The following GALNTL6 variants were observed in gnomAD, a reference collection of about 807,000 sequenced individuals.
The protein encoded by GALNTL6 is polypeptide N-acetylgalactosaminyltransferase-like 6.
GALNTL6 carries 46 observed loss-of-function variants against 73.7 expected under a neutral mutation model. That is an observed-to-expected ratio of 0.62 (90% CI 0.49 to 0.80). The LOEUF (loss-of-function observed/expected upper bound fraction) is 0.80. GALNTL6 is among the 30% of genes least tolerant of loss of function. GALNTL6 has a pLI of 0.00. For missense variants in GALNTL6, 604 were observed against 755.0 expected (o/e 0.80, Z 2.34); for synonymous variants, 259 against 263.7 (o/e 0.98, Z 0.17).
At chr4:172,015,511 A>G (rs1210927487) in intron 2 of GALNTL6, among the ~76,000 whole-genome samples, 1 of 152,104 alleles carries the variant, frequency 6.6e-6, no homozygotes, top group African/African-American at 2.4e-5. Context: ...GCCATTCTGT[A>G]TATTTTAAGT....
At chr4:173,029,209 T>C (rs913227304) in intron 12 of GALNTL6, among the ~76,000 whole-genome samples, 4 of 152,252 alleles carry the variant, frequency 2.6e-5, no homozygotes, top group Admixed American at 6.5e-5. Flanking sequence ...TAAAAAATCC[T>C]GGACATGTGG....
intron 5 of GALNTL6, among the ~76,000 whole-genome samples, chr4:172,665,580 A>G (rs2111190798): frequency 6.6e-6 from 1 of 152,292 alleles, no homozygotes; most frequent in Middle Eastern, 3.4e-3. Context: ...GATGGTAAAA[A>G]TATTTTCACT....
intron 8 of GALNTL6, among the ~76,000 whole-genome samples, chr4:172,900,124 T>C (rs979227101): frequency 1.3e-5 from 2 of 152,194 alleles, no homozygotes; most frequent in Non-Finnish European, 2.9e-5. Flanking sequence ...GGAGTTGTTC[T>C]GGTTAAAACG....
chr4:172,087,763 A>G (rs968290440), intron 2 of GALNTL6, among the ~76,000 whole-genome samples: 1 of 65,764 alleles, frequency 1.5e-5, no homozygotes, highest in African/African-American at 4.2e-5. Context: ...CAAATAGCAG[A>G]AAAAAAAAAA....
chr4:172,083,782 A>G (rs1731950367), intron 2 of GALNTL6, among the ~76,000 whole-genome samples: 1 of 152,148 alleles, frequency 6.6e-6, no homozygotes, highest in African/African-American at 2.4e-5. Flanking sequence ...ATTACAGCAT[A>G]AGCTACATTA....
chr4:172,456,455 A>C (rs562102613), intron 5 of GALNTL6, among the ~76,000 whole-genome samples: 3 of 152,128 alleles, frequency 2.0e-5, no homozygotes, highest in African/African-American at 7.2e-5. Context: ...AAACCTTGAA[A>C]AAAAGTTACA....
chr4:172,372,644 T>A (rs1161336849), intron 5 of GALNTL6, among the ~76,000 whole-genome samples: 1 of 152,196 alleles, frequency 6.6e-6, no homozygotes, highest in East Asian at 1.9e-4. Context: ...AGAAAAGTTT[T>A]GTCCTGTCAG....
chr4:172,638,991 C>T (rs551522990), intron 5 of GALNTL6, among the ~76,000 whole-genome samples: 36 of 152,022 alleles, frequency 2.4e-4, no homozygotes, highest in Non-Finnish European at 4.3e-4. Flanking sequence ...AGAAGTGGCG[C>T]GCCCTTCTCA....
At chr4:172,606,663 CT>C (rs1738306844) in intron 5 of GALNTL6, among the ~76,000 whole-genome samples, 1 of 38,552 alleles carries the variant, frequency 2.6e-5, no homozygotes, top group Admixed American at 3.7e-4. Flanking sequence ...TATATATATA[CT>C]ATATATATAT....
chr4:172,615,160 A>T (rs959406598), intron 5 of GALNTL6, among the ~76,000 whole-genome samples: 1 of 150,248 alleles, frequency 6.7e-6, no homozygotes, highest in Non-Finnish European at 1.5e-5. Context: ...AAAGTCCCCA[A>T]ACACATGCTG....
At chr4:172,457,218 AAAAAAAACCC>A (rs1732429926) in intron 5 of GALNTL6, among the ~76,000 whole-genome samples, 1 of 150,652 alleles carries the variant, frequency 6.6e-6, no homozygotes, top group South Asian at 2.1e-4. Flanking sequence ...AATATGGAAA[AAAAAAAACCC>A]AAAAAAACAG....
intron 5 of GALNTL6, among the ~76,000 whole-genome samples, chr4:172,470,455 C>A (rs1016666170): frequency 6.6e-6 from 1 of 152,060 alleles, no homozygotes; most frequent in South Asian, 2.1e-4. Context: ...TTGAACATAC[C>A]ATCAGCACAA....
intron 2 of GALNTL6, among the ~76,000 whole-genome samples, chr4:171,821,960 G>A (rs953185381): frequency 2.0e-5 from 3 of 151,834 alleles, no homozygotes; most frequent in African/African-American, 7.3e-5. Flanking sequence ...AGTTCTTGAT[G>A]TATTGTATTG....
chr4:172,954,454 C>T (rs185897880), intron 10 of GALNTL6, among the ~76,000 whole-genome samples: 3 of 152,280 alleles, frequency 2.0e-5, no homozygotes, highest in Non-Finnish European at 2.9e-5. Context: ...AACAATGAGA[C>T]GTTGAGAAGA....
intron 7 of GALNTL6, among the ~76,000 whole-genome samples, chr4:172,834,311 G>A (rs1486218147): frequency 6.6e-6 from 1 of 152,170 alleles, no homozygotes; most frequent in Non-Finnish European, 1.5e-5. Flanking sequence ...CAGGAGTTTA[G>A]AAGGCCTAAG....
chr4:172,234,212 G>GT (rs1222922571), intron 3 of GALNTL6, among the ~76,000 whole-genome samples: 2 of 151,934 alleles, frequency 1.3e-5, no homozygotes, highest in African/African-American at 2.4e-5. Flanking sequence ...TTTTAAAAAT[G>GT]TTTTTTTCTA....
chr4:171,866,338 G>A (rs1735969717), intron 2 of GALNTL6, among the ~76,000 whole-genome samples: 2 of 151,062 alleles, frequency 1.3e-5, no homozygotes, highest in African/African-American at 2.4e-5. Context: ...ACTTTTATAT[G>A]ATGATATCAT....
At chr4:173,032,367 C>T (rs1344474238) in intron 12 of GALNTL6, among the ~76,000 whole-genome samples, 1 of 151,498 alleles carries the variant, frequency 6.6e-6, no homozygotes, top group Admixed American at 6.6e-5. Context: ...AGGAGAATGG[C>T]GTGAACCCGG....
intron 2 of GALNTL6, among the ~76,000 whole-genome samples, chr4:171,888,515 G>A (rs1489232292): frequency 2.0e-5 from 3 of 151,926 alleles, no homozygotes; most frequent in African/African-American, 7.3e-5. Flanking sequence ...TTTTGGGAAT[G>A]CTTGTCAAAC....
Sources: gnomAD v4.1 joint callset for allele counts (sites outside exome capture counted in the v4.1 genomes callset) on GRCh38, gnomAD v4.1.1 for gene constraint, MANE v1.5 for transcripts, NCBI Gene and HGNC (gene_info 2026-07-23, HGNC 2026-07-21) for gene names.